Variants in STUM observed in about 807,000 individuals in gnomAD.
STUM encodes stum, mechanosensory transduction mediator homolog.
Under a neutral mutation model 15.3 loss-of-function variants are expected in STUM, and 8 were observed. The ratio of observed to expected loss-of-function variants is 0.52; its 90% CI spans 0.31 to 0.94. The LOEUF (loss-of-function observed/expected upper bound fraction) is 0.94, where lower values mean the gene tolerates loss of function less well. Among genes scored for constraint, STUM ranks in the 40% least tolerant of loss-of-function variants. The pLI is 0.05. For synonymous variants in STUM, 78 were observed against 88.7 expected (o/e 0.88, Z 0.68); for missense variants, 142 against 204.9 (o/e 0.69, Z 1.87).
At chr1:226,564,296 G>A (rs553043893) in intron 1 of STUM, among the ~76,000 whole-genome samples, 10 of 152,288 alleles carry the variant, frequency 6.6e-5, no homozygotes, top group East Asian at 3.9e-4. Context: ...TCAAGATGTC[G>A]GTCCTCAGGA....
At chr1:226,583,328 G>A (rs1047091631) in intron 1 of STUM, among the ~76,000 whole-genome samples, 1 of 152,152 alleles carries the variant, frequency 6.6e-6, no homozygotes, top group Non-Finnish European at 1.5e-5. Context: ...TTCATTCTAG[G>A]CCTGTTCTTG....
Position 226,602,201 on chromosome 1 carries a change from C to T in STUM, c.*161C>T, listed in dbSNP as rs1668280044. ...ATTATTTATTTTGAAAACGCATCTG[C>T]TTTTCTCAGCAGGTTGTGAGGGCTG... On this transcript the variant is annotated 3_prime_UTR_variant, in exon 4 of 4. Transcript: ENST00000366788. 6 of 612,016 alleles carry T rather than the reference C, an allele frequency of 9.8e-6. No individual in the cohort carries two copies. Among genetic ancestry groups the T allele is most frequent in the Non-Finnish European group, 1.7e-5 (6 of 348,450 alleles). The allele number at this position is 612,016 out of a possible 1,614,324, so 37.9% of individuals were successfully genotyped here.
rs183345240 is a variant in STUM at position 226,607,797 on chromosome 1, C to G, written c.*5757C>G. Reference sequence around the variant, plus strand: ...TGAATTTGCCAAAATGCCAACCATCCGGGCAGGTGTGGATGCCACAGTCCA... The same window carrying G: ...TGAATTTGCCAAAATGCCAACCATCGGGGCAGGTGTGGATGCCACAGTCCA... On this transcript the variant is annotated 3_prime_UTR_variant, in exon 4 of 4. Transcript: ENST00000366788. 3 of 152,304 alleles carry G rather than the reference C, an allele frequency of 2.0e-5. No individual in the cohort carries two copies. The highest frequency in any genetic ancestry group is 7.2e-5 in the African/African-American group (3 of 41,446). The allele number at this position is 152,304 out of a possible 1,614,324, so 9.4% of individuals were successfully genotyped here.
In STUM at chr1:226,548,951, CGGT is replaced by C. The variant is rs1272455453; in HGVS notation, c.50_52del (p.Val17del). 2 of 1,455,006 alleles carry C rather than the reference CGGT, an allele frequency of 1.4e-6. No homozygotes were observed. Among genetic ancestry groups the C allele is most frequent in the Non-Finnish European group, 1.8e-6 (2 of 1,108,210 alleles). The allele number at this position is 1,455,006 out of a possible 1,614,324, so 90.1% of individuals were successfully genotyped here. ...GCCGAGACGGCGGCGGCGGCGGCGGCGGTGGCGGCGGCGGACCCCCGGGGGGCG... is the reference window on the plus strand; with the variant it reads ...GCCGAGACGGCGGCGGCGGCGGCGGCGGCGGCGGCGGACCCCCGGGGGGCG... On this transcript the variant is annotated inframe_deletion, in exon 1 of 4. Coordinates refer to ENST00000366788, the MANE Select transcript of STUM (RefSeq NM_001003665.4).
chr1:226,558,518 G>A (rs941555694), intron 1 of STUM, among the ~76,000 whole-genome samples: 3 of 152,116 alleles, frequency 2.0e-5, no homozygotes, highest in African/African-American at 7.2e-5. Flanking sequence ...GAAGGGGAAG[G>A]GCACACGTTC....
chr1:226,597,219 A>G (rs915521481), intron 2 of STUM, among the ~76,000 whole-genome samples: 5 of 152,252 alleles, frequency 3.3e-5, no homozygotes, highest in Non-Finnish European at 5.9e-5. Flanking sequence ...GAGTTCCATC[A>G]TTTAATGCAA....
intron 1 of STUM, among the ~76,000 whole-genome samples, chr1:226,579,026 C>T (rs1329423315): frequency 6.6e-6 from 1 of 152,170 alleles, no homozygotes; most frequent in Non-Finnish European, 1.5e-5. Context: ...GGGCCCATAC[C>T]TCTGTGCATC....
At chr1:226,550,448 T>G (rs1667356664) in intron 1 of STUM, among the ~76,000 whole-genome samples, 1 of 152,040 alleles carries the variant, frequency 6.6e-6, no homozygotes, top group Non-Finnish European at 1.5e-5. Flanking sequence ...ATCAGCTCTC[T>G]TTGCACATTT....
rs151165384 is a variant in STUM at position 226,579,042 on chromosome 1, A to G, written c.203-17760A>G. ...GGCCCATACCTCTGTGCATCCCTAA[A>G]TTTGATCAGGTTCATGATGCACTTG... is the stretch of plus-strand genomic sequence containing the variant. On this transcript the variant is annotated intron_variant, in intron 1 of 3. Coordinates refer to ENST00000366788, the MANE Select transcript of STUM (RefSeq NM_001003665.4). Among the ~76,000 whole-genome samples, 1,235 of 152,186 alleles carry G rather than the reference A, an allele frequency of 8.1e-3. 18 individuals are homozygous for G. Among genetic ancestry groups the G allele is most frequent in the African/African-American group, 0.024 (996 of 41,510 alleles).
chr1:226,558,138 T>A (rs751783854), intron 1 of STUM, among the ~76,000 whole-genome samples: 1 of 151,984 alleles, frequency 6.6e-6, no homozygotes, highest in Non-Finnish European at 1.5e-5. Context: ...GCCAGAGCAA[T>A]TGGGCAAGAG....
At chr1:226,563,078 A>G (rs1272353651) in intron 1 of STUM, among the ~76,000 whole-genome samples, 1 of 152,246 alleles carries the variant, frequency 6.6e-6, no homozygotes, top group East Asian at 1.9e-4. Flanking sequence ...AAAGTTGGGA[A>G]TCTGGGTAAA....
At chr1:226,593,691 C>T (rs952020789) in intron 1 of STUM, among the ~76,000 whole-genome samples, 1 of 152,194 alleles carries the variant, frequency 6.6e-6, no homozygotes, top group Non-Finnish European at 1.5e-5. Context: ...AGTAGAAGAA[C>T]AGCTTTGCCT....
At chr1:226,581,242 A>T (rs1370240161) in intron 1 of STUM, among the ~76,000 whole-genome samples, 3 of 152,214 alleles carry the variant, frequency 2.0e-5, no homozygotes, top group African/African-American at 7.2e-5. Context: ...ATGAGTAGCT[A>T]AATGCCCAGG....
intron 1 of STUM, among the ~76,000 whole-genome samples, chr1:226,559,875 A>G (rs1008900755): frequency 7.2e-5 from 11 of 152,174 alleles, no homozygotes; most frequent in African/African-American, 2.4e-4. Flanking sequence ...TGGGAGGCTG[A>G]GGCAGGAGAA....
In STUM at chr1:226,600,429, G is replaced by T. The variant is rs981237188; in HGVS notation, c.383-237G>T. 6.6e-6 allele frequency among the ~76,000 whole-genome samples: 1 copy of T among 152,204 alleles called. No homozygotes were observed. The highest frequency in any genetic ancestry group is 1.9e-4 in the East Asian group (1 of 5,200). On this transcript the variant is annotated intron_variant, in intron 2 of 3. Transcript: ENST00000366788. This position sits in a 1 kb window ranked among gnomAD's most constrained non-coding sequence, Gnocchi z 5.2. ...GCTGTGCCCCTAGCCACACCCACACGCCTGGTGGGCAGACCACTGGCCACT... is the reference window on the plus strand; with the variant it reads ...GCTGTGCCCCTAGCCACACCCACACTCCTGGTGGGCAGACCACTGGCCACT...
At chr1:226,561,757 A>T (rs1667545594) in intron 1 of STUM, among the ~76,000 whole-genome samples, 1 of 152,180 alleles carries the variant, frequency 6.6e-6, no homozygotes, top group Admixed American at 6.5e-5. Flanking sequence ...AAGTTGGATG[A>T]GGAGCAGGAT....
In STUM at chr1:226,603,906, G is replaced by GT. The variant is rs1668313243; in HGVS notation, c.*1870dup. On this transcript the variant is annotated 3_prime_UTR_variant, in exon 4 of 4. Coordinates refer to ENST00000366788, the MANE Select transcript of STUM (RefSeq NM_001003665.4). ...TCTTCAAGGTGTGGGAACAGATTTG[G>GT]TTTTCTCTAAAAAGCTAGAACCTTC... 6.6e-6 allele frequency: 1 copy of GT among 152,344 alleles called. No individual in the cohort carries two copies. Among genetic ancestry groups the GT allele is most frequent in the South Asian group, 2.1e-4 (1 of 4,830 alleles). The allele number at this position is 152,344 out of a possible 1,614,324, so 9.4% of individuals were successfully genotyped here. A position where few individuals can be genotyped will look rare whatever the true frequency, so the allele number is the denominator to read the frequency against.
chr1:226,561,632 G>A (rs1667544018), intron 1 of STUM, among the ~76,000 whole-genome samples: 1 of 152,198 alleles, frequency 6.6e-6, no homozygotes, highest in Non-Finnish European at 1.5e-5. Context: ...GAACTTTCCA[G>A]TTGTGTAGCT....
intron 1 of STUM, among the ~76,000 whole-genome samples, chr1:226,573,736 A>C (rs1485727094): frequency 6.6e-6 from 1 of 152,234 alleles, no homozygotes; most frequent in Non-Finnish European, 1.5e-5. Context: ...ACAGTCAAGC[A>C]AATGAACATA....
Sources: gnomAD v4.1 joint callset for allele counts (sites outside exome capture counted in the v4.1 genomes callset) on GRCh38, gnomAD v4.1.1 for gene constraint, Gnocchi (gnomAD v3.1) non-coding constraint, MANE v1.5 for transcripts, NCBI Gene and HGNC (gene_info 2026-07-23, HGNC 2026-07-21) for gene names.